Variants in ARHGAP32 observed in about 807,000 individuals in gnomAD.
The protein encoded by ARHGAP32 is rho GTPase-activating protein 32.
Under a neutral mutation model 186.5 loss-of-function variants are expected in ARHGAP32, and 51 were observed. The ratio of observed to expected loss-of-function variants is 0.27; its 90% CI spans 0.22 to 0.35. The LOEUF is 0.35. Ranked by LOEUF, ARHGAP32 falls within the 10% of genes least tolerant of loss-of-function variation. The pLI is 1.00. For synonymous variants in ARHGAP32, 950 were observed against 964.3 expected, an observed-to-expected ratio of 0.99 and a Z score of 0.27; for missense variants, 2,186 against 2,623.5, an observed-to-expected ratio of 0.83 and a Z score of 3.64.
chr11:129,253,812 T>C (rs948649868), intron 1 of ARHGAP32, among the ~76,000 whole-genome samples: 1 of 152,124 alleles, frequency 6.6e-6, no homozygotes, highest in Non-Finnish European at 1.5e-5. Flanking sequence ...ATGCACTCCA[T>C]AAAGGTCTGT....
At chr11:129,138,568 T>C (rs944281549) in intron 2 of ARHGAP32, among the ~76,000 whole-genome samples, 8 of 152,118 alleles carry the variant, frequency 5.3e-5, no homozygotes, top group Non-Finnish European at 8.8e-5. Context: ...TAGCTTGTTA[T>C]CTTGGTCCCA....
At chr11:129,131,507 C>G (rs1261792668) in intron 2 of ARHGAP32, among the ~76,000 whole-genome samples, 1 of 152,054 alleles carries the variant, frequency 6.6e-6, no homozygotes, top group African/African-American at 2.4e-5. Context: ...CCAAAGAAAA[C>G]AGGACAAGCA....
intron 15 of ARHGAP32, 85 bp from the exon 16 acceptor site, chr11:128,982,021 T>C (rs1330151722): frequency 7.1e-6 from 6 of 841,822 alleles, no homozygotes; most frequent in Middle Eastern, 2.9e-4. Flanking sequence ...ATTCCTAAGT[T>C]TGCAATAGCA....
At chr11:129,188,575 T>A (rs1352369197) in intron 1 of ARHGAP32, among the ~76,000 whole-genome samples, 1 of 152,138 alleles carries the variant, frequency 6.6e-6, no homozygotes, top group Admixed American at 6.6e-5. Context: ...ATAAGATAAC[T>A]GGTCCACGGT....
At chr11:129,101,527 G>A (rs2135302019) in intron 5 of ARHGAP32, among the ~76,000 whole-genome samples, 1 of 152,202 alleles carries the variant, frequency 6.6e-6, no homozygotes, top group South Asian at 2.1e-4. Context: ...TGATAGAGCT[G>A]AAAAACACAC....
chr11:129,248,722 A>C (rs1483561344), intron 1 of ARHGAP32, among the ~76,000 whole-genome samples: 1 of 152,212 alleles, frequency 6.6e-6, no homozygotes, highest in Non-Finnish European at 1.5e-5. Context: ...CAAAAACCTG[A>C]CTGAATCCTC....
At chr11:129,157,891 C>T (rs1236166841) in intron 2 of ARHGAP32, among the ~76,000 whole-genome samples, 1 of 152,102 alleles carries the variant, frequency 6.6e-6, no homozygotes, top group East Asian at 1.9e-4. Flanking sequence ...CTGCAGAAAC[C>T]GTACAAGCCA....
At chr11:129,059,300 A>G (rs531191145) in intron 10 of ARHGAP32, among the ~76,000 whole-genome samples, 1 of 152,228 alleles carries the variant, frequency 6.6e-6, no homozygotes, top group East Asian at 1.9e-4. Context: ...GTAACTACCT[A>G]GAAGCTTTGT....
intron 1 of ARHGAP32, among the ~76,000 whole-genome samples, chr11:129,240,008 G>C (rs1034350000): frequency 2.0e-5 from 3 of 152,118 alleles, no homozygotes; most frequent in African/African-American, 7.2e-5. Flanking sequence ...CAGTTACTAT[G>C]CGCAGTGACA....
chr11:129,171,959 T>C (rs1221390052), intron 1 of ARHGAP32, among the ~76,000 whole-genome samples: 7 of 152,338 alleles, frequency 4.6e-5, no homozygotes, highest in Non-Finnish European at 7.3e-5. Context: ...ATTCATGATT[T>C]GGCTCTCTGC....
intron 11 of ARHGAP32, among the ~76,000 whole-genome samples, chr11:129,039,921 A>AT: frequency 6.6e-6 from 1 of 152,300 alleles, no homozygotes; most frequent in African/African-American, 2.4e-5. Context: ...GTTTTGAAGC[A>AT]TTTTCTCTAC....
At chr11:129,148,550 G>T (rs979616180) in intron 2 of ARHGAP32, among the ~76,000 whole-genome samples, 3 of 152,198 alleles carry the variant, frequency 2.0e-5, no homozygotes, top group African/African-American at 7.2e-5. Context: ...ATTAGGGAGG[G>T]ATCACAGGAC....
rs35287114 is a variant in ARHGAP32, at chr11:128,974,509, G to A, written c.2688C>T (p.Ser896=). 0.014 allele frequency: 22,686 copies of A among 1,614,162 alleles called. 319 individuals are homozygous for A. Among genetic ancestry groups the A allele is most frequent in the African/African-American group, 0.054 (4,064 of 75,028 alleles). Residue 896 remains serine (S), a synonymous_variant, in exon 21 of 23, where the codon TCC becomes TCT. Transcript: ENST00000682385. ...PTEDKSSKPS[S]FTEKVVYAFS... is the part of the protein sequence containing the mutation. ...AAGCATAGACGACCTTTTCAGTAAA[G>A]GAGGATGGCTTAGATGATTTATCTT...
At chr11:129,091,965 A>C (rs1287109642) in intron 6 of ARHGAP32, among the ~76,000 whole-genome samples, 2 of 152,056 alleles carry the variant, frequency 1.3e-5, no homozygotes, top group Non-Finnish European at 2.9e-5. Flanking sequence ...GAATATATCA[A>C]TGATTACATA....
intron 11 of ARHGAP32, among the ~76,000 whole-genome samples, chr11:129,026,801 G>GC (rs150866819): frequency 1.8e-5 from 2 of 109,356 alleles, no homozygotes; most frequent in Non-Finnish European, 3.6e-5. Context: ...CTCCATCTTG[G>GC]AAAAAAAAAA....
chr11:128,968,810 T>G lies in ARHGAP32; in HGVS notation c.*97A>C. Reference sequence around the variant, plus strand: ...ATCATTTTTTAAATGTGGTCAGGGGTTTTATAGTATTTTTTGTTTAATCTT... The same window carrying G: ...ATCATTTTTTAAATGTGGTCAGGGGGTTTATAGTATTTTTTGTTTAATCTT... On this transcript the variant is annotated 3_prime_UTR_variant, in exon 23 of 23. Transcript: ENST00000682385. 1 of 1,000,288 alleles carries G rather than the reference T, an allele frequency of 1.0e-6. No homozygotes were observed. The highest frequency in any genetic ancestry group is 1.3e-6 in the Non-Finnish European group (1 of 749,270). 62.0% of individuals were successfully genotyped at this position (1,000,288 alleles called of 1,614,324 possible).
At chr11:129,177,722 T>C (rs1026120748) in intron 1 of ARHGAP32, among the ~76,000 whole-genome samples, 9 of 152,266 alleles carry the variant, frequency 5.9e-5, no homozygotes, top group South Asian at 2.1e-4. Flanking sequence ...AAAAGGCCTT[T>C]GACAAAATTC....
chr11:129,274,676 G>C (rs906993359), intron 1 of ARHGAP32, among the ~76,000 whole-genome samples: 1 of 152,012 alleles, frequency 6.6e-6, no homozygotes, highest in African/African-American at 2.4e-5. Context: ...TTTCTCAACT[G>C]TAAGATAATT....
At chr11:129,011,729 G>A (rs1321022751) in intron 11 of ARHGAP32, among the ~76,000 whole-genome samples, 2 of 151,944 alleles carry the variant, frequency 1.3e-5, no homozygotes, top group African/African-American at 4.8e-5. Flanking sequence ...AATAAATTAT[G>A]GTACATCTGC....
Sources: gnomAD v4.1 joint callset for allele counts (sites outside exome capture counted in the v4.1 genomes callset) on GRCh38, gnomAD v4.1.1 for gene constraint, MANE v1.5 for transcripts, NCBI Gene and HGNC (gene_info 2026-07-23, HGNC 2026-07-21) for gene names.